CDH4: variants seen among roughly 807,000 people sequenced by gnomAD.
CDH4 encodes the protein cadherin-4.
A neutral mutation model predicts 86.0 loss-of-function variants in CDH4; 33 were observed. The observed-to-expected ratio is 0.38, with a 90% CI of 0.29 to 0.51. The LOEUF is 0.51. Among genes scored for constraint, CDH4 ranks in the 20% least tolerant of loss-of-function variants. CDH4 has a pLI of 0.86. For missense variants in CDH4, 1,114 were observed against 1,307.4 expected (o/e 0.85, Z 2.28); for synonymous variants, 555 against 549.4 (o/e 1.01, Z -0.14).
At chr20:61,798,497 A>G (rs73917517) in intron 4 of CDH4, among the ~76,000 whole-genome samples, 3,734 of 152,284 alleles carry the variant, frequency 0.025, 142 homozygotes, top group African/African-American at 0.084. Flanking sequence ...ATTCCACTGC[A>G]GGCGGGTGGG....
chr20:61,515,544 GTCCC>G (rs1314516285), intron 2 of CDH4, among the ~76,000 whole-genome samples: 10 of 152,170 alleles, frequency 6.6e-5, no homozygotes, highest in Non-Finnish European at 1.5e-4. Flanking sequence ...GGAGTCGGTT[GTCCC>G]TCCCTCCCTT....
In CDH4 at chr20:61,317,792, G is replaced by A. The variant is rs552352474; in HGVS notation, c.169+62855G>A. On this transcript the variant is annotated intron_variant, in intron 2 of 15. Transcript: ENST00000614565. ...TAGACAAAGGGCACTTCTGGGAAGC[G>A]TTTTTTCCGTGTGAATTTGTGGGTG... is the stretch of plus-strand genomic sequence containing the variant. 8.4e-4 allele frequency among the ~76,000 whole-genome samples: 128 copies of A among 152,298 alleles called. 1 individual carries two copies. The highest frequency in any genetic ancestry group is 2.7e-3 in the African/African-American group (113 of 41,560).
At chr20:61,563,893 G>A (rs537549972) in intron 2 of CDH4, among the ~76,000 whole-genome samples, 17 of 152,300 alleles carry the variant, frequency 1.1e-4, no homozygotes, top group Admixed American at 6.5e-4. Context: ...GGTGATGCGT[G>A]CAGTAGTGGG....
At chr20:61,837,048 G>T (rs925622718) in intron 4 of CDH4, among the ~76,000 whole-genome samples, 6 of 152,182 alleles carry the variant, frequency 3.9e-5, no homozygotes, top group Non-Finnish European at 7.3e-5. Context: ...TTAAAAATTG[G>T]CCAGGTGTGG....
intron 2 of CDH4, among the ~76,000 whole-genome samples, chr20:61,262,829 C>A (rs996291018): frequency 2.1e-5 from 3 of 140,104 alleles, no homozygotes; most frequent in Non-Finnish European, 3.1e-5. Context: ...CTCTCCCCTT[C>A]CCTCCCCTTC....
chr20:61,569,757 C>T (rs1223708369), intron 2 of CDH4, among the ~76,000 whole-genome samples: 1 of 152,148 alleles, frequency 6.6e-6, no homozygotes, highest in Non-Finnish European at 1.5e-5. Context: ...GCTGTCACGC[C>T]CTTTCATCTC....
At chr20:61,503,059 C>T (rs756825132) in intron 2 of CDH4, among the ~76,000 whole-genome samples, 3 of 152,130 alleles carry the variant, frequency 2.0e-5, no homozygotes, top group Admixed American at 6.6e-5. Context: ...AAAATAGACG[C>T]GTTGTAAATA....
At chr20:61,257,052 G>A (rs1310709010) in intron 2 of CDH4, among the ~76,000 whole-genome samples, 1 of 152,256 alleles carries the variant, frequency 6.6e-6, no homozygotes, top group African/African-American at 2.4e-5. Flanking sequence ...GAAACAGGAA[G>A]TGTGGTGTTT....
At chr20:61,274,375 A>G (rs1422460716) in intron 2 of CDH4, among the ~76,000 whole-genome samples, 1 of 68,358 alleles carries the variant, frequency 1.5e-5, no homozygotes, top group African/African-American at 6.2e-5. Context: ...TTGGGGGAGT[A>G]CCGTGTGCAG....
At chr20:61,254,708 G>A in intron 1 of CDH4, 118 bp from the exon 2 acceptor site, 1 of 723,500 alleles carries the variant, frequency 1.4e-6, no homozygotes, top group Non-Finnish European at 2.5e-6. Context: ...GGAGACGGTG[G>A]CCTGCCAGCC....
chr20:61,900,656 T>C lies in CDH4; in HGVS notation c.1188+5609T>C, dbSNP rs1416662966. Among the ~76,000 whole-genome samples the C allele has an allele frequency of 2.6e-5, 4 of 152,106 alleles. No individual in the cohort carries two copies. In the East Asian group the frequency reaches 5.8e-4, roughly 22 times the overall value. On this transcript the variant is annotated intron_variant, in intron 8 of 15. Coordinates refer to ENST00000614565, the MANE Select transcript of CDH4 (RefSeq NM_001794.5). ...CCTCAGCCTGGGGGTCAAGACTTAG[T>C]CCTCCCAGCCGCGGTGCTTCCGCCA... is the stretch of plus-strand genomic sequence containing the variant.
At chr20:61,824,381 T>TC (rs1358933888) in intron 4 of CDH4, among the ~76,000 whole-genome samples, 65 of 149,350 alleles carry the variant, frequency 4.4e-4, no homozygotes, top group Non-Finnish European at 5.0e-4. Context: ...AAAAGATGCC[T>TC]CCCCCCAACC....
rs995180977 is a variant in CDH4 at position 61,902,417 on chromosome 20, G to A, written c.1188+7370G>A. 3.3e-5 allele frequency among the ~76,000 whole-genome samples: 5 copies of A among 152,260 alleles called. No individual in the cohort carries two copies. Among genetic ancestry groups the A allele is most frequent in the Admixed American group, 6.5e-5 (1 of 15,292 alleles). ...CACGCGGTCACCACCCCGCAGAACC[G>A]CTCCCGTGCTCGTTGCAGGAGTGCA... On this transcript the variant is annotated intron_variant, in intron 8 of 15. Coordinates refer to ENST00000614565, the MANE Select transcript of CDH4 (RefSeq NM_001794.5). The surrounding 1 kb of genome is among the most constrained non-coding windows in gnomAD (Gnocchi z 4.6).
At chr20:61,553,538 G>A (rs2086151285) in intron 2 of CDH4, among the ~76,000 whole-genome samples, 1 of 152,204 alleles carries the variant, frequency 6.6e-6, no homozygotes. Context: ...GCATGTCCTT[G>A]ATGAGCATGT....
chr20:61,736,582 C>T (rs948196232), intron 2 of CDH4, among the ~76,000 whole-genome samples: 5 of 149,108 alleles, frequency 3.4e-5, no homozygotes, highest in Non-Finnish European at 5.9e-5. Context: ...ATATGTCATG[C>T]GAATGGATGA....
chr20:61,589,923 G>A lies in CDH4; in HGVS notation c.170-153640G>A, dbSNP rs115987997. 4.9e-3 allele frequency among the ~76,000 whole-genome samples: 740 copies of A among 152,178 alleles called. 4 individuals carry two copies. Among genetic ancestry groups the A allele is most frequent in the African/African-American group, 0.017 (690 of 41,522 alleles). On this transcript the variant is annotated intron_variant, in intron 2 of 15. Coordinates refer to ENST00000614565, the MANE Select transcript of CDH4 (RefSeq NM_001794.5). Reference sequence around the variant, plus strand: ...GATAATCAACAGGATTAACAGGAGCGATGGGAATGGTGCTCCTTGAGAGGG... The same window carrying A: ...GATAATCAACAGGATTAACAGGAGCAATGGGAATGGTGCTCCTTGAGAGGG...
chr20:61,383,688 TATATG>T (rs1287943656), intron 2 of CDH4, among the ~76,000 whole-genome samples: 7 of 142,094 alleles, frequency 4.9e-5, no homozygotes, highest in East Asian at 4.0e-4. Flanking sequence ...ATGTATATGA[TATATG>T]ATATATATGA....
chr20:61,305,059 G>A (rs112648618), intron 2 of CDH4, among the ~76,000 whole-genome samples: 2,091 of 152,022 alleles, frequency 0.014, 55 homozygotes, highest in African/African-American at 0.048. Flanking sequence ...CGTGTGTTGT[G>A]TATGTGCAGT....
chr20:61,700,113 T>A (rs1018198309), intron 2 of CDH4, among the ~76,000 whole-genome samples: 3 of 152,184 alleles, frequency 2.0e-5, no homozygotes, highest in African/African-American at 7.2e-5. Context: ...CTTCTCCTGG[T>A]GCCTCAAAGG....
Sources: allele counts gnomAD v4.1 joint callset (sites outside exome capture counted in the v4.1 genomes callset), GRCh38; gene constraint gnomAD v4.1.1; non-coding constraint Gnocchi (gnomAD v3.1); transcripts MANE v1.5; gene names NCBI Gene and HGNC (gene_info 2026-07-23, HGNC 2026-07-21).